Variants in BACH1 observed in about 807,000 individuals in gnomAD.
The protein encoded by BACH1 is transcription regulator protein BACH1.
Under a neutral mutation model 52.9 loss-of-function variants are expected in BACH1, and 35 were observed. The ratio of observed to expected loss-of-function variants is 0.66; its 90% confidence interval spans 0.51 to 0.88. The LOEUF (loss-of-function observed/expected upper bound fraction) is 0.88. Among genes scored for constraint, BACH1 ranks in the 40% least tolerant of loss-of-function variants. The pLI is 0.00. For synonymous variants in BACH1, 321 were observed against 319.6 expected, an observed-to-expected ratio of 1.00 and a Z score of -0.05; for missense variants, 808 against 872.6, an observed-to-expected ratio of 0.93 and a Z score of 0.93.
chr21:29,351,439 T>C (rs2089201412), intron 2 of BACH1, among the ~76,000 whole-genome samples: 1 of 152,232 alleles, frequency 6.6e-6, no homozygotes, highest in Non-Finnish European at 1.5e-5. Flanking sequence ...GCTTATGTTT[T>C]CCTTGCTTTG....
intron 2 of BACH1, among the ~76,000 whole-genome samples, chr21:29,354,135 C>T (rs2089219145): frequency 6.6e-6 from 1 of 152,108 alleles, no homozygotes; most frequent in African/African-American, 2.4e-5. Flanking sequence ...TATGCAAAGG[C>T]TGAGGGATGA....
intron 1 of BACH1, among the ~76,000 whole-genome samples, chr21:29,316,590 C>T (rs1469743669): frequency 6.6e-6 from 1 of 152,156 alleles, no homozygotes; most frequent in African/African-American, 2.4e-5. Flanking sequence ...TGTTAGAGGA[C>T]ATGAAGGTGC....
intron 1 of BACH1, among the ~76,000 whole-genome samples, chr21:29,312,214 G>A (rs2088732163): frequency 6.6e-6 from 1 of 152,116 alleles, no homozygotes; most frequent in South Asian, 2.1e-4. Context: ...TTACGTGTTG[G>A]GGGAATTTTC....
At chr21:29,311,330 A>G (rs1247716479) in intron 1 of BACH1, among the ~76,000 whole-genome samples, 2 of 152,206 alleles carry the variant, frequency 1.3e-5, no homozygotes, top group Non-Finnish European at 2.9e-5. Context: ...GTGATCAACC[A>G]TTTACATTTA....
intron 1 of BACH1, among the ~76,000 whole-genome samples, chr21:29,299,214 G>A (rs1601331396): frequency 6.6e-6 from 1 of 151,698 alleles, no homozygotes; most frequent in Non-Finnish European, 1.5e-5. Context: ...CGGAGCTGTT[G>A]TTTACCCGCG....
At chr21:29,340,774 A>G (rs1165804273) in intron 4 of BACH1, among the ~76,000 whole-genome samples, 1 of 152,122 alleles carries the variant, frequency 6.6e-6, no homozygotes, top group East Asian at 1.9e-4. Context: ...ATAAAAAGAA[A>G]TGGGTGTTGA....
Position 29,326,416 on chromosome 21 carries a change from C to T in BACH1, c.592C>T (p.Pro198Ser). 2 of 1,614,208 alleles carry T rather than the reference C, an allele frequency of 1.2e-6. No homozygotes were observed. Among genetic ancestry groups the T allele is most frequent in the Admixed American group, 1.7e-5 (1 of 60,018 alleles). ...TCAAGGAAATGCAAAAGCCTCACCT[C>T]CTCTACAAGACAGTGCCAGTCAGAC... ...RYQGNAKASP[P>S]LQDSASQTYE... is the part of the protein sequence containing the mutation. Residue 198 changes from proline to serine, a missense_variant, in exon 3 of 5, where the codon CCT (proline) becomes TCT (serine). Transcript: ENST00000286800.
At chr21:29,308,702 G>A (rs1337023350) in intron 1 of BACH1, among the ~76,000 whole-genome samples, 14 of 152,136 alleles carry the variant, frequency 9.2e-5, no homozygotes, top group Admixed American at 9.2e-4. Context: ...ATGAATTATG[G>A]TTGTAATTTT....
At chr21:29,330,716 G>A (rs2088970844) in intron 4 of BACH1, among the ~76,000 whole-genome samples, 1 of 152,056 alleles carries the variant, frequency 6.6e-6, no homozygotes, top group African/African-American at 2.4e-5. Flanking sequence ...TAAAAGTTGG[G>A]ATTGTGGCAA....
chr21:29,327,653 A>G (rs2088930024), intron 3 of BACH1, among the ~76,000 whole-genome samples: 1 of 152,094 alleles, frequency 6.6e-6, no homozygotes, highest in Non-Finnish European at 1.5e-5. Context: ...AACATGGCGA[A>G]TCTCCGTCTC....
intron 4 of BACH1, 23 bp downstream of exon 4, chr21:29,329,716 A>G (rs2088959023): frequency 5.5e-6 from 8 of 1,460,684 alleles, no homozygotes; most frequent in Non-Finnish European, 7.3e-6. Context: ...GTTTCTTGTT[A>G]CTATTTAAAT....
chr21:29,355,004 G>C (rs976438619), intron 2 of BACH1, among the ~76,000 whole-genome samples: 3 of 152,182 alleles, frequency 2.0e-5, no homozygotes, highest in Admixed American at 6.5e-5. Context: ...AGATCTTGCA[G>C]CAGCAAGATT....
chr21:29,313,243 G>A (rs749518436), intron 1 of BACH1, among the ~76,000 whole-genome samples: 2 of 152,026 alleles, frequency 1.3e-5, no homozygotes, highest in Admixed American at 6.6e-5. Flanking sequence ...TGCCACCGCC[G>A]ATGAAACAAA....
At chr21:29,305,955 T>C (rs2088652114) in intron 1 of BACH1, among the ~76,000 whole-genome samples, 1 of 152,196 alleles carries the variant, frequency 6.6e-6, no homozygotes. Context: ...ACTATTCCCA[T>C]AGCATGCTAT....
rs1056402572 is a variant in BACH1, at chr21:29,299,164, G to A, written c.-61+211G>A. Among the ~76,000 whole-genome samples, 21 of 151,736 alleles carry A rather than the reference G, an allele frequency of 1.4e-4. No individual in the cohort carries two copies. The East Asian group carries it at 3.7e-3, about 27-fold the overall frequency. On this transcript the variant is annotated intron_variant, in intron 1 of 4. Coordinates refer to ENST00000286800, the MANE Select transcript of BACH1 (RefSeq NM_001186.4). ...GGATCCTGGAAGTGGCCGCGACGCC[G>A]GAAGGGGCGTCCCGTCGGCGGCCGA...
At chr21:29,300,080 C>T (rs2088586251) in intron 1 of BACH1, 1 of 152,188 alleles carries the variant, frequency 6.6e-6, no homozygotes, top group South Asian at 2.1e-4. Flanking sequence ...TCTTCCTGGT[C>T]TTTGGGTAGT....
At chr21:29,327,534 CTG>C (rs778945325) in intron 3 of BACH1, 141 bp downstream of exon 3, 17 of 1,229,980 alleles carry the variant, frequency 1.4e-5, no homozygotes, top group Non-Finnish European at 1.8e-5. Context: ...AATTGTAAGA[CTG>C]TGTGATAGGG....
chr21:29,352,827 T>G (rs1242015487), intron 2 of BACH1, among the ~76,000 whole-genome samples: 1 of 152,018 alleles, frequency 6.6e-6, no homozygotes, highest in African/African-American at 2.4e-5. Context: ...TTCTCCTGTC[T>G]CAGCCTCCCA....
rs983566811 is a variant in BACH1, at chr21:29,329,701, TAA to T, written c.1776+11_1776+12del. 5 of 1,499,470 alleles carry T rather than the reference TAA, an allele frequency of 3.3e-6. No homozygotes were observed. Among genetic ancestry groups the T allele is most frequent in the Non-Finnish European group, 4.5e-6 (5 of 1,123,078 alleles). The allele number at this position is 1,499,470 out of a possible 1,614,324, so 92.9% of individuals were successfully genotyped here. On this transcript the variant is annotated intron_variant, in intron 4 of 4. Transcript: ENST00000286800. ...TCAGAAATTGAGAAGCTGGTAAGTG[TAA>T]AAGTTTCTTGTTACTATTTAAATTC...
Sources: gnomAD v4.1 joint callset for allele counts (sites outside exome capture counted in the v4.1 genomes callset) on GRCh38, gnomAD v4.1.1 for gene constraint, MANE v1.5 for transcripts, NCBI Gene and HGNC (gene_info 2026-07-23, HGNC 2026-07-21) for gene names.